PTH2R: variants seen among roughly 807,000 people sequenced by gnomAD.
PTH2R encodes PTH2 receptor.
In PTH2R, 59 loss-of-function variants were observed where a neutral mutation model predicts 60.3. That is an observed-to-expected ratio of 0.98 (90% confidence interval 0.79 to 1.22). The LOEUF (loss-of-function observed/expected upper bound fraction) is 1.22. Among genes scored for constraint, PTH2R ranks in the 50% most tolerant of loss-of-function variants. The pLI, the probability that PTH2R is intolerant of heterozygous loss-of-function variation, is 0.00. For missense variants in PTH2R, 749 were observed against 682.6 expected (o/e 1.10, Z -1.08); for synonymous variants, 256 against 243.8 (o/e 1.05, Z -0.47).
upstream of PTH2R, among the ~76,000 whole-genome samples, chr2:208,403,928 A>G (rs1160811378): frequency 6.6e-6 from 1 of 152,216 alleles, no homozygotes; most frequent in Non-Finnish European, 1.5e-5. Flanking sequence ...AGGAAGTCCT[A>G]GAGCCTAGAA....
chr2:208,404,147 TAGG>T (rs1013239195), upstream of PTH2R, among the ~76,000 whole-genome samples: 1 of 152,108 alleles, frequency 6.6e-6, no homozygotes, highest in Non-Finnish European at 1.5e-5. Flanking sequence ...CATTAAGTCT[TAGG>T]AGGACAAGCT....
chr2:208,475,664 G>A (rs1351823232), intron 9 of PTH2R, among the ~76,000 whole-genome samples: 2 of 152,130 alleles, frequency 1.3e-5, no homozygotes, highest in East Asian at 1.9e-4. Context: ...GAGAACTAAC[G>A]TAACTGACAC....
chr2:208,381,321 C>T (rs544143871), intron 1 of PTH2R, among the ~76,000 whole-genome samples: 6 of 152,184 alleles, frequency 3.9e-5, no homozygotes, highest in Non-Finnish European at 8.8e-5. Flanking sequence ...TCATTTTTAA[C>T]ATTTATTGGA....
In PTH2R at chr2:208,417,541, CTTTTTTTTTTTTT is replaced by C. The variant is rs56354728; in HGVS notation, c.75+10440_75+10452del. On this transcript the variant is annotated intron_variant, in intron 1 of 12. Coordinates refer to ENST00000272847, the MANE Select transcript of PTH2R (RefSeq NM_005048.4). The stretch of plus-strand genomic sequence containing the variant: ...AGAAGTACTGTTCAAAGGTGGGAAT[CTTTTTTTTTTTTT>C]TTTTTTTTTTTTTTTTGTGATGGTG... Among the ~76,000 whole-genome samples, 16 of 87,916 alleles carry C rather than the reference CTTTTTTTTTTTTT, an allele frequency of 1.8e-4. No homozygotes were observed. In the East Asian group the frequency reaches 3.0e-3, roughly 17 times the overall value. The allele number at this position is 87,916 out of a possible 152,430, so 57.7% of individuals were successfully genotyped here.
At chr2:208,464,960 G>A (rs1443483590) in intron 9 of PTH2R, among the ~76,000 whole-genome samples, 1 of 151,988 alleles carries the variant, frequency 6.6e-6, no homozygotes, top group Non-Finnish European at 1.5e-5. Flanking sequence ...ACTACCAACG[G>A]CCATTAAGCC....
intron 1 of PTH2R, among the ~76,000 whole-genome samples, chr2:208,415,621 A>G (rs1294499783): frequency 6.6e-6 from 1 of 152,222 alleles, no homozygotes; most frequent in Non-Finnish European, 1.5e-5. Flanking sequence ...ATAAAATGGA[A>G]AAGCATTGTG....
chr2:208,419,067 C>T (rs1701698862), intron 1 of PTH2R, among the ~76,000 whole-genome samples: 1 of 152,150 alleles, frequency 6.6e-6, no homozygotes, highest in Admixed American at 6.5e-5. Context: ...AATGGTATTT[C>T]TAGTTCTAGA....
In PTH2R at chr2:208,406,797, T is replaced by G. The variant is rs1701420016; in HGVS notation, c.-247T>G. 2.8e-6 allele frequency: 1 copy of G among 360,370 alleles called. No homozygotes were observed. The highest frequency in any genetic ancestry group is 4.7e-5 in the Admixed American group (1 of 21,476). The allele number at this position is 360,370 out of a possible 1,614,324, so 22.3% of individuals were successfully genotyped here. A position where few individuals can be genotyped will look rare whatever the true frequency, so the allele number is the denominator to read the frequency against. On this transcript the variant is annotated 5_prime_UTR_variant, in exon 1 of 13. Transcript: ENST00000272847. ...CGGGGCTGCGAGTCAAGTCCAGGAC[T>G]CGGGCCAGTCTCTCCGGAAGACAAG...
intron 1 of PTH2R, among the ~76,000 whole-genome samples, chr2:208,384,542 G>T (rs1490727239): frequency 6.6e-6 from 1 of 152,120 alleles, no homozygotes; most frequent in Admixed American, 6.5e-5. Context: ...TAAGAATTTA[G>T]TGTAAAAAAG....
At chr2:208,472,283 A>G (rs1702900296) in intron 9 of PTH2R, among the ~76,000 whole-genome samples, 2 of 152,146 alleles carry the variant, frequency 1.3e-5, no homozygotes, top group African/African-American at 2.4e-5. Flanking sequence ...GTGGAATGAT[A>G]CCTAAATCAT....
intron 12 of PTH2R, among the ~76,000 whole-genome samples, chr2:208,491,733 G>GT (rs1260368198): frequency 6.6e-6 from 1 of 151,794 alleles, no homozygotes. Context: ...GGAAAGGAAT[G>GT]TATTTATTAG....
At chr2:208,480,581 AT>A (rs1315351026) in intron 9 of PTH2R, among the ~76,000 whole-genome samples, 1 of 152,184 alleles carries the variant, frequency 6.6e-6, no homozygotes, top group Non-Finnish European at 1.5e-5. Context: ...GCCTTTTCTT[AT>A]GTAACATCTT....
At chr2:208,388,210 G>T (rs1201296602) in intron 1 of PTH2R, among the ~76,000 whole-genome samples, 2 of 150,096 alleles carry the variant, frequency 1.3e-5, no homozygotes, top group African/African-American at 2.5e-5. Context: ...CCAGCTACTC[G>T]GGAGGCTGAG....
intron 1 of PTH2R, among the ~76,000 whole-genome samples, chr2:208,419,283 AT>A (rs1344932535): frequency 1.3e-5 from 2 of 152,166 alleles, no homozygotes; most frequent in South Asian, 2.1e-4. Flanking sequence ...GATGCTGAGC[AT>A]TTTTTCATGT....
chr2:208,438,784 G>T (rs963449625), intron 4 of PTH2R, among the ~76,000 whole-genome samples: 1 of 152,090 alleles, frequency 6.6e-6, no homozygotes, highest in Non-Finnish European at 1.5e-5. Flanking sequence ...GAGGTGGGGG[G>T]AGAACAGCAG....
At chr2:208,491,355 T>A (rs1703400469) in intron 12 of PTH2R, among the ~76,000 whole-genome samples, 1 of 152,178 alleles carries the variant, frequency 6.6e-6, no homozygotes, top group Admixed American at 6.5e-5. Context: ...GACTTACTTG[T>A]GTATTGTTCT....
chr2:208,447,276 T>G (rs1347986746), intron 7 of PTH2R, among the ~76,000 whole-genome samples: 2 of 151,934 alleles, frequency 1.3e-5, no homozygotes, highest in African/African-American at 4.8e-5. Context: ...GCAATCTGAT[T>G]ATGATGATTC....
intron 1 of PTH2R, among the ~76,000 whole-genome samples, chr2:208,363,299 A>G (rs898892845): frequency 6.6e-6 from 1 of 152,136 alleles, no homozygotes; most frequent in Non-Finnish European, 1.5e-5. Flanking sequence ...CTGTTCTTAC[A>G]TTAACTTGCT....
At chr2:208,389,297 C>G (rs1396264820) in intron 1 of PTH2R, among the ~76,000 whole-genome samples, 1 of 151,314 alleles carries the variant, frequency 6.6e-6, no homozygotes, top group Admixed American at 6.6e-5. Flanking sequence ...TCCAGATTGT[C>G]TATACTCCTT....
Sources: allele counts gnomAD v4.1 joint callset (sites outside exome capture counted in the v4.1 genomes callset), GRCh38; gene constraint gnomAD v4.1.1; transcripts MANE v1.5; gene names NCBI Gene and HGNC (gene_info 2026-07-23, HGNC 2026-07-21).